Variants in ROBO1 observed in about 807,000 individuals in gnomAD.
ROBO1 encodes roundabout homolog 1.
Under a neutral mutation model 195.9 loss-of-function variants are expected in ROBO1, and 149 were observed. The observed-to-expected ratio is 0.76, with a 90% CI of 0.67 to 0.87. The LOEUF is 0.87. Ranked by LOEUF, ROBO1 falls within the 40% of genes least tolerant of loss-of-function variation. The probability of loss-of-function intolerance (pLI) is 0.00; values close to 1 mark genes in which losing one functional copy is unlikely to be tolerated. For synonymous variants in ROBO1, 816 were observed against 733.2 expected (o/e 1.11, Z -1.82); for missense variants, 1,933 against 2,068.3 (o/e 0.93, Z 1.27).
At chr3:79,557,304 TTTA>T (rs1225796089) in intron 2 of ROBO1, among the ~76,000 whole-genome samples, 1 of 152,172 alleles carries the variant, frequency 6.6e-6, no homozygotes, top group Non-Finnish European at 1.5e-5. Context: ...ATGTCTCTTA[TTTA>T]TCCGTGTAAA....
At chr3:78,737,223 C>T (rs1303333284) in intron 5 of ROBO1, among the ~76,000 whole-genome samples, 1 of 152,146 alleles carries the variant, frequency 6.6e-6, no homozygotes, top group African/African-American at 2.4e-5. Flanking sequence ...AGTGGTGAAT[C>T]AGATATAGAT....
intron 1 of ROBO1, among the ~76,000 whole-genome samples, chr3:79,624,342 T>G (rs560466485): frequency 6.6e-6 from 1 of 152,152 alleles, no homozygotes; most frequent in South Asian, 2.1e-4. Context: ...AATACATACA[T>G]AACAATACTA....
chr3:79,008,588 T>A (rs1187309660), intron 3 of ROBO1, among the ~76,000 whole-genome samples: 1 of 151,420 alleles, frequency 6.6e-6, no homozygotes, highest in African/African-American at 2.4e-5. Flanking sequence ...TATATATTTA[T>A]GTATACGTGC....
chr3:78,994,989 T>G (rs905471801), intron 3 of ROBO1, among the ~76,000 whole-genome samples: 2 of 152,190 alleles, frequency 1.3e-5, no homozygotes, highest in Admixed American at 1.3e-4. Flanking sequence ...AGTTTTCATA[T>G]GGCACTTGCT....
intron 4 of ROBO1, among the ~76,000 whole-genome samples, chr3:78,871,036 AT>A (rs1347262780): frequency 3.3e-5 from 5 of 152,216 alleles, no homozygotes; most frequent in Non-Finnish European, 5.9e-5. Context: ...AGTAAATTAC[AT>A]TTCTCGTTAG....
chr3:79,003,063 A>G (rs2077541575), intron 3 of ROBO1, among the ~76,000 whole-genome samples: 1 of 152,166 alleles, frequency 6.6e-6, no homozygotes, highest in Non-Finnish European at 1.5e-5. Context: ...ATCCTCTTAG[A>G]AGCATTAACA....
intron 2 of ROBO1, among the ~76,000 whole-genome samples, chr3:79,486,859 C>T (rs1204011346): frequency 1.3e-5 from 2 of 152,188 alleles, no homozygotes; most frequent in Non-Finnish European, 2.9e-5. Context: ...ATTTACAGAG[C>T]TATCCCTCCT....
intron 26 of ROBO1, among the ~76,000 whole-genome samples, chr3:78,620,815 C>T (rs1704406272): frequency 6.6e-6 from 1 of 150,982 alleles, no homozygotes; most frequent in African/African-American, 2.4e-5. Context: ...GAATTTAAAA[C>T]CAAAGTTTAT....
At chr3:78,834,999 T>C (rs779643404) in intron 4 of ROBO1, among the ~76,000 whole-genome samples, 4 of 152,154 alleles carry the variant, frequency 2.6e-5, no homozygotes, top group Non-Finnish European at 4.4e-5. Flanking sequence ...TTAATAACAA[T>C]ACATTTAAAT....
At chr3:79,198,281 T>C (rs2081683345) in intron 2 of ROBO1, among the ~76,000 whole-genome samples, 1 of 152,116 alleles carries the variant, frequency 6.6e-6, no homozygotes, top group Non-Finnish European at 1.5e-5. Flanking sequence ...CCAGCACCAT[T>C]TATTAAATAG....
intron 4 of ROBO1, among the ~76,000 whole-genome samples, chr3:78,797,497 A>T (rs1435649061): frequency 1.3e-5 from 2 of 152,130 alleles, no homozygotes; most frequent in Non-Finnish European, 2.9e-5. Flanking sequence ...TTATAGCTGT[A>T]CCTTAGCTAG....
chr3:78,759,815 C>A (rs1559825590), intron 4 of ROBO1, among the ~76,000 whole-genome samples: 1 of 151,396 alleles, frequency 6.6e-6, no homozygotes, highest in Non-Finnish European at 1.5e-5. Context: ...AAGATCGAGG[C>A]ATCTAAACAG....
chr3:79,007,501 A>T (rs1462793041), intron 3 of ROBO1, among the ~76,000 whole-genome samples: 1 of 152,212 alleles, frequency 6.6e-6, no homozygotes, highest in African/African-American at 2.4e-5. Context: ...AAGTCTATTT[A>T]TCTGTATACT....
chr3:79,194,797 GA>G (rs961500898), intron 2 of ROBO1, among the ~76,000 whole-genome samples: 2 of 151,500 alleles, frequency 1.3e-5, no homozygotes, highest in African/African-American at 4.8e-5. Context: ...AAGTAAATGA[GA>G]AAAAATACCC....
chr3:79,197,168 T>G (rs192022791), intron 2 of ROBO1, among the ~76,000 whole-genome samples: 5 of 152,082 alleles, frequency 3.3e-5, no homozygotes, highest in Admixed American at 3.3e-4. Context: ...TAGGTATTTC[T>G]CCTAATGCTA....
At chr3:78,719,490 T>TAGAG (rs10662406) in intron 5 of ROBO1, among the ~76,000 whole-genome samples, 42,777 of 151,772 alleles carry the variant, frequency 0.28, 6,552 homozygotes, top group African/African-American at 0.41. Flanking sequence ...CATGCATATA[T>TAGAG]ATACACATTT....
At chr3:79,122,051 C>G (rs1161569619) in intron 3 of ROBO1, among the ~76,000 whole-genome samples, 1 of 151,880 alleles carries the variant, frequency 6.6e-6, no homozygotes, top group Non-Finnish European at 1.5e-5. Context: ...TTGTGAAACA[C>G]TATATGCACT....
chr3:79,575,716 G>A (rs1490172329), intron 2 of ROBO1, among the ~76,000 whole-genome samples: 1 of 150,728 alleles, frequency 6.6e-6, no homozygotes, highest in African/African-American at 2.4e-5. Context: ...TTGTTTCATG[G>A]CATTCTTCCA....
intron 2 of ROBO1, among the ~76,000 whole-genome samples, chr3:79,536,996 A>G (rs1941893146): frequency 6.6e-6 from 1 of 151,684 alleles, no homozygotes; most frequent in African/African-American, 2.4e-5. Flanking sequence ...ACAAACCGGC[A>G]TGTGTACCCT....
Sources: gnomAD v4.1 joint callset for allele counts (sites outside exome capture counted in the v4.1 genomes callset) on GRCh38, gnomAD v4.1.1 for gene constraint, MANE v1.5 for transcripts, NCBI Gene and HGNC (gene_info 2026-07-23, HGNC 2026-07-21) for gene names.